Variants in MNDA observed in about 807,000 individuals in gnomAD.
MNDA encodes the protein epididymis secretory sperm binding protein.
In MNDA, 43 loss-of-function variants were observed where a neutral mutation model predicts 37.8. That is an observed-to-expected ratio of 1.14 (90% CI 0.89 to 1.47). The LOEUF is 1.47. Among genes scored for constraint, MNDA ranks in the 40% most tolerant of loss-of-function variants. The pLI is 0.00. For synonymous variants in MNDA, 181 were observed against 169.0 expected, an observed-to-expected ratio of 1.07 and a Z score of -0.55; for missense variants, 536 against 476.0, an observed-to-expected ratio of 1.13 and a Z score of -1.17.
At chr1:158,847,585 T>G in intron 5 of MNDA, 143 bp from the exon 6 acceptor site, 9 of 608,812 alleles carry the variant, frequency 1.5e-5, no homozygotes, top group Non-Finnish European at 2.4e-5. Context: ...ATGGACCCTG[T>G]GAGATGGCAG....
chr1:158,844,149 A>T, intron 4 of MNDA, 27 bp downstream of exon 4: 2 of 1,460,882 alleles, frequency 1.4e-6, no homozygotes, highest in East Asian at 2.5e-5. Context: ...CCTCTTCTCC[A>T]TTTTTTTTTA....
At position 158,847,583 on chromosome 1, in the gene MNDA, T is replaced by A. The variant is rs1000104626; in HGVS notation, c.988-145T>A. The A allele has an allele frequency of 5.5e-5, 33 of 596,522 alleles. No homozygotes were observed. The African/African-American group carries it at 5.8e-4, about 11-fold the overall frequency. The allele number at this position is 596,522 out of a possible 1,614,324, so 37.0% of individuals were successfully genotyped here. On this transcript the variant is annotated intron_variant, in intron 5 of 6. Coordinates refer to ENST00000368141, the MANE Select transcript of MNDA (RefSeq NM_002432.3). ...ATGCTGGATAATAAAAGATGGACCC[T>A]GTGAGATGGCAGGCCAAGCCACATG...
At chr1:158,846,622 C>CA (rs371927647) in intron 5 of MNDA, among the ~76,000 whole-genome samples, 2,718 of 148,354 alleles carry the variant, frequency 0.018, 76 homozygotes, top group African/African-American at 0.061. Context: ...ATACTATTTA[C>CA]AAAAAAAAAA....
chr1:158,842,537 G>C, intron 2 of MNDA, 119 bp downstream of exon 2: 1 of 1,107,332 alleles, frequency 9.0e-7, no homozygotes, highest in East Asian at 2.4e-5. Flanking sequence ...AGCAGTCATG[G>C]GGATGTTGGC....
At chr1:158,834,310 G>T (rs565857624) in intron 1 of MNDA, among the ~76,000 whole-genome samples, 1 of 146,410 alleles carries the variant, frequency 6.8e-6, no homozygotes, top group Admixed American at 7.0e-5. Flanking sequence ...TCGACTCACT[G>T]CAAGCTCCGC....
chr1:158,836,141 T>TA (rs112966169), intron 1 of MNDA, among the ~76,000 whole-genome samples: 37,717 of 150,118 alleles, frequency 0.25, 4,960 homozygotes, highest in Admixed American at 0.35. Context: ...TAGCATTTTG[T>TA]AAAAAAAAAA....
intron 2 of MNDA, 144 bp downstream of exon 2, chr1:158,842,562 C>A (rs1441057944): frequency 9.4e-6 from 7 of 747,916 alleles, no homozygotes; most frequent in African/African-American, 5.3e-5. Context: ...CAGAGACTGA[C>A]CAGTTGGCAA....
chr1:158,840,031 G>A (rs562750531), intron 1 of MNDA, among the ~76,000 whole-genome samples: 2 of 152,134 alleles, frequency 1.3e-5, no homozygotes, highest in East Asian at 3.9e-4. Context: ...GAAACCCCTG[G>A]GACAACTCTG....
At chr1:158,833,438 C>T (rs527943362) in intron 1 of MNDA, among the ~76,000 whole-genome samples, 11 of 152,200 alleles carry the variant, frequency 7.2e-5, no homozygotes, top group Non-Finnish European at 1.3e-4. Context: ...AACGCCTTTG[C>T]ATCTTGCAAA....
intron 5 of MNDA, among the ~76,000 whole-genome samples, chr1:158,846,799 T>C (rs2188112): frequency 0.79 from 119,527 of 152,090 alleles, 46,972 homozygotes; most frequent in Admixed American, 0.83. Context: ...TACATGTCTT[T>C]CAATATAGCC....
intron 1 of MNDA, among the ~76,000 whole-genome samples, chr1:158,831,866 A>T (rs1359376000): frequency 6.6e-6 from 1 of 152,142 alleles, no homozygotes; most frequent in East Asian, 1.9e-4. Flanking sequence ...TGACTTGGTG[A>T]CTGGGTTTGG....
At position 158,834,334 on chromosome 1, in the gene MNDA, G is replaced by A. The variant is rs184049325; in HGVS notation, c.-21+2777G>A. 5.1e-3 allele frequency among the ~76,000 whole-genome samples: 762 copies of A among 149,662 alleles called. 4 individuals carry two copies. The highest frequency in any genetic ancestry group is 0.018 in the African/African-American group (731 of 40,562). On this transcript the variant is annotated intron_variant, in intron 1 of 6. Coordinates refer to ENST00000368141, the MANE Select transcript of MNDA (RefSeq NM_002432.3). ...TGCAAGCTCCGCCTCCCGGGTTCAC[G>A]CCATTCTCCTGCCTCAGCCTCCCAT...
At position 158,849,466 on chromosome 1, in the gene MNDA, T is replaced by C. The variant is rs2102053952; in HGVS notation, c.*229T>C. 4.4e-6 allele frequency: 2 copies of C among 454,280 alleles called. No individual in the cohort carries two copies. The highest frequency in any genetic ancestry group is 3.4e-5 in the South Asian group (1 of 29,496). The allele number at this position is 454,280 out of a possible 1,614,324, so 28.1% of individuals were successfully genotyped here. A position where few individuals can be genotyped will look rare whatever the true frequency, so the allele number is the denominator to read the frequency against. On this transcript the variant is annotated 3_prime_UTR_variant, in exon 7 of 7. Coordinates refer to ENST00000368141, the MANE Select transcript of MNDA (RefSeq NM_002432.3). The stretch of plus-strand genomic sequence containing the variant: ...ATATTACATTTTGCTTTTATGACAT[T>C]CACGAGGCAAAAAATAAAATATCTT...
At chr1:158,838,808 A>G (rs558668323) in intron 1 of MNDA, among the ~76,000 whole-genome samples, 1 of 152,260 alleles carries the variant, frequency 6.6e-6, no homozygotes, top group Non-Finnish European at 1.5e-5. Flanking sequence ...TGATAATTAC[A>G]CATGACCTGT....
chr1:158,834,118 T>C (rs1658860096), intron 1 of MNDA, among the ~76,000 whole-genome samples: 1 of 152,192 alleles, frequency 6.6e-6, no homozygotes. Context: ...TTGTGGTTTT[T>C]ATGGGTTTGA....
At position 158,843,522 on chromosome 1, in the gene MNDA, T is replaced by C. The variant is rs896359251; in HGVS notation, c.402+107T>C. On this transcript the variant is annotated intron_variant, in intron 3 of 6. Coordinates refer to ENST00000368141, the MANE Select transcript of MNDA (RefSeq NM_002432.3). ...ACACAGCTTAGATTTACCAAATTAGTAATTATGGATCTTCTTTGTGATGAG... is the reference window on the plus strand; with the variant it reads ...ACACAGCTTAGATTTACCAAATTAGCAATTATGGATCTTCTTTGTGATGAG... The C allele has an allele frequency of 1.9e-5, 22 of 1,182,564 alleles. No individual in the cohort carries two copies. The African/African-American group carries it at 3.5e-4, about 19-fold the overall frequency. 73.3% of individuals were successfully genotyped at this position (1,182,564 alleles called of 1,614,324 possible).
chr1:158,834,719 T>C (rs1050376885), intron 1 of MNDA, among the ~76,000 whole-genome samples: 1 of 152,176 alleles, frequency 6.6e-6, no homozygotes, highest in African/African-American at 2.4e-5. Flanking sequence ...TCATGGAGCC[T>C]TTCCCTTTTG....
chr1:158,846,293 C>A (rs1016265136), intron 5 of MNDA, among the ~76,000 whole-genome samples: 1 of 152,202 alleles, frequency 6.6e-6, no homozygotes, highest in African/African-American at 2.4e-5. Context: ...CGGGAGCAAG[C>A]TAATAACATC....
chr1:158,832,060 C>T (rs1331164827), intron 1 of MNDA, among the ~76,000 whole-genome samples: 1 of 152,068 alleles, frequency 6.6e-6, no homozygotes, highest in Admixed American at 6.5e-5. Context: ...TTTACATTTT[C>T]ATGAATCAGT....
Sources: gnomAD v4.1 joint callset for allele counts (sites outside exome capture counted in the v4.1 genomes callset) on GRCh38, gnomAD v4.1.1 for gene constraint, MANE v1.5 for transcripts, NCBI Gene and HGNC (gene_info 2026-07-23, HGNC 2026-07-21) for gene names.